The following GLYATL2 variants were observed in gnomAD, a reference collection of about 807,000 sequenced individuals.
GLYATL2 encodes glycine N-acyltransferase-like protein 2.
A neutral mutation model predicts 21.4 loss-of-function variants in GLYATL2; 25 were observed. The ratio of observed to expected loss-of-function variants is 1.17; its 90% CI spans 0.85 to 1.63. The LOEUF is 1.63. Ranked by LOEUF, GLYATL2 falls within the 40% of genes most tolerant of loss-of-function variation. The pLI is 0.00. For missense variants in GLYATL2, 361 were observed against 343.3 expected, an observed-to-expected ratio of 1.05 and a Z score of -0.41; for synonymous variants, 114 against 118.2, an observed-to-expected ratio of 0.96 and a Z score of 0.23.
In GLYATL2 at chr11:58,839,530, G is replaced by A. The variant is rs774676200; in HGVS notation, c.78+5C>T. 1.2e-5 allele frequency: 19 copies of A among 1,591,394 alleles called. No individual in the cohort carries two copies. The highest frequency in any genetic ancestry group is 6.7e-5 in the East Asian group (3 of 44,702). ...CTCTCCTTTGATCTCCTCCTACTCC[G>A]TTACCTTTATGGATTCAGGGATGCT... On this transcript the variant is annotated splice_donor_5th_base_variant and intron_variant, in intron 2 of 5. Transcript: ENST00000287275.
At chr11:58,908,603 A>G (rs116293043), upstream of GLYATL2, 853 of 163,816 alleles carry the variant, frequency 5.2e-3, 11 homozygotes, top group African/African-American at 0.019. Flanking sequence ...CGTGGTGCCA[A>G]TTCAGATTCT....
At chr11:58,843,958 A>G (rs1447073344) in intron 1 of GLYATL2, among the ~76,000 whole-genome samples, 2 of 152,194 alleles carry the variant, frequency 1.3e-5, no homozygotes, top group Non-Finnish European at 2.9e-5. Flanking sequence ...CAAATGTTTC[A>G]ATGAATGGAG....
chr11:58,884,461 A>G (rs1312271525), intron 1 of GLYATL2, among the ~76,000 whole-genome samples: 1 of 152,206 alleles, frequency 6.6e-6, no homozygotes, highest in Non-Finnish European at 1.5e-5. Context: ...TCCCATTCAC[A>G]ATTGCTTCAA....
In GLYATL2 at chr11:58,838,212, G is replaced by A. The variant is rs549694065; in HGVS notation, c.186+49C>T. 2.5e-6 allele frequency: 3 copies of A among 1,201,848 alleles called. No homozygotes were observed. In the South Asian group the frequency reaches 3.8e-5, roughly 15 times the overall value. The allele number at this position is 1,201,848 out of a possible 1,614,324, so 74.4% of individuals were successfully genotyped here. ...TTCAGTTCCCTCATTGCCATGCAGA[G>A]AACGTCTGGAGAGTGACTACCCTCA... On this transcript the variant is annotated intron_variant, in intron 3 of 5. Transcript: ENST00000287275.
rs1436721531 is a variant in GLYATL2, at chr11:58,869,009, GTGTCTT to G, written n.61-30647_61-30642del. Among the ~76,000 whole-genome samples, 31 of 129,398 alleles carry G rather than the reference GTGTCTT, an allele frequency of 2.4e-4. 2 individuals carry two copies. The highest frequency in any genetic ancestry group is 2.3e-3 in the East Asian group (6 of 2,620). The allele number at this position is 129,398 out of a possible 152,430, so 84.9% of individuals were successfully genotyped here. A position where few individuals can be genotyped will look rare whatever the true frequency, so the allele number is the denominator to read the frequency against. ...ATTTTGTGTGTGTCCAGGCAAGTGAGTGTCTTTTGTGGGTACCAGATGGTGGGATCA... is the reference window on the plus strand; with the variant it reads ...ATTTTGTGTGTGTCCAGGCAAGTGAGTTGTGGGTACCAGATGGTGGGATCA... On this transcript the variant is annotated intron_variant and non_coding_transcript_variant, in intron 1 of 4. Transcript: ENST00000533636.
intron 1 of GLYATL2, among the ~76,000 whole-genome samples, chr11:58,840,212 A>C (rs1486637885): frequency 1.3e-5 from 2 of 152,222 alleles, no homozygotes; most frequent in Non-Finnish European, 2.9e-5. Flanking sequence ...ACCAAGTAGA[A>C]ATTGGCAAGA....
upstream of GLYATL2, chr11:58,907,945 A>T (rs1296586665): frequency 1.3e-5 from 2 of 153,414 alleles, no homozygotes; most frequent in Non-Finnish European, 2.9e-5. Context: ...GGGGAACTGA[A>T]ACCATTTTCT....
In GLYATL2 at chr11:58,868,808, A is replaced by G. The variant is rs184770584; in HGVS notation, n.61-30440T>C. Reference sequence around the variant, plus strand: ...TTGGAAGAACTGCTTTTGAAATTTGACATCTGCATCCAGATAGGTGACTGT... The same window carrying G: ...TTGGAAGAACTGCTTTTGAAATTTGGCATCTGCATCCAGATAGGTGACTGT... On this transcript the variant is annotated intron_variant and non_coding_transcript_variant, in intron 1 of 4. Transcript: ENST00000533636. Among the ~76,000 whole-genome samples the G allele has an allele frequency of 3.3e-5, 5 of 149,260 alleles. No homozygotes were observed. In the East Asian group the frequency reaches 1.1e-3, roughly 33 times the overall value.
chr11:58,868,877 GA>G (rs1364108489), intron 1 of GLYATL2, among the ~76,000 whole-genome samples: 4 of 149,088 alleles, frequency 2.7e-5, no homozygotes, highest in African/African-American at 9.7e-5. Flanking sequence ...CTAAATTTGG[GA>G]AATTTTTAAA....
chr11:58,849,212 G>A (rs1257864971), upstream of GLYATL2, among the ~76,000 whole-genome samples: 1 of 152,106 alleles, frequency 6.6e-6, no homozygotes, highest in African/African-American at 2.4e-5. Flanking sequence ...AGAAAGAAAG[G>A]AACATTAGTG....
chr11:58,860,332 CT>C (rs1170498828), intron 1 of GLYATL2, among the ~76,000 whole-genome samples: 4 of 151,530 alleles, frequency 2.6e-5, no homozygotes, highest in African/African-American at 7.3e-5. Flanking sequence ...CTTTTACCAC[CT>C]TGTTTAAGTT....
chr11:58,869,903 C>A (rs535063743), intron 1 of GLYATL2, among the ~76,000 whole-genome samples: 1 of 152,140 alleles, frequency 6.6e-6, no homozygotes, highest in Non-Finnish European at 1.5e-5. Context: ...GAGTTTGAGA[C>A]CAGCCTGAAA....
chr11:58,867,084 C>A (rs1383792283), intron 1 of GLYATL2, among the ~76,000 whole-genome samples: 1 of 148,940 alleles, frequency 6.7e-6, no homozygotes, highest in Non-Finnish European at 1.5e-5. Flanking sequence ...GACACTCAGC[C>A]ATGCGGTTCC....
chr11:58,868,072 A>C (rs1353261695), intron 1 of GLYATL2, among the ~76,000 whole-genome samples: 1 of 148,698 alleles, frequency 6.7e-6, no homozygotes, highest in Non-Finnish European at 1.5e-5. Context: ...CAGATGGGAG[A>C]GGAGCCTACA....
At chr11:58,876,805 C>G (rs1854242269) in intron 1 of GLYATL2, among the ~76,000 whole-genome samples, 1 of 152,246 alleles carries the variant, frequency 6.6e-6, no homozygotes, top group South Asian at 2.1e-4. Flanking sequence ...AACCATTACT[C>G]TCTTCCAAGC....
upstream of GLYATL2, among the ~76,000 whole-genome samples, chr11:58,905,115 G>T (rs1306703401): frequency 6.6e-6 from 1 of 152,208 alleles, no homozygotes; most frequent in East Asian, 1.9e-4. Context: ...TGGGAAACAG[G>T]CCTAAATACT....
intron 1 of GLYATL2, among the ~76,000 whole-genome samples, chr11:58,871,056 A>C (rs1157798350): frequency 6.6e-6 from 1 of 152,240 alleles, no homozygotes; most frequent in African/African-American, 2.4e-5. Context: ...TAGATTTACC[A>C]TCAACTAAGT....
chr11:58,846,970 G>A (rs1018060623), upstream of GLYATL2, among the ~76,000 whole-genome samples: 5 of 151,934 alleles, frequency 3.3e-5, no homozygotes, highest in African/African-American at 1.2e-4. Context: ...ACAGTAAGGC[G>A]AACTTCATCT....
At chr11:58,875,195 G>T (rs1034122884) in intron 1 of GLYATL2, among the ~76,000 whole-genome samples, 8 of 152,270 alleles carry the variant, frequency 5.3e-5, no homozygotes, top group Admixed American at 1.3e-4. Context: ...CTGCACGTGA[G>T]ATGGGTTTCC....
Sources: gnomAD v4.1 joint callset for allele counts (sites outside exome capture counted in the v4.1 genomes callset) on GRCh38, gnomAD v4.1.1 for gene constraint, MANE v1.5 for transcripts, NCBI Gene and HGNC (gene_info 2026-07-23, HGNC 2026-07-21) for gene names.